DMRT1: variants seen among roughly 807,000 people sequenced by gnomAD.
DMRT1 encodes doublesex and mab-3 related transcription factor 1, also known as doublesex- and mab-3-related transcription factor 1.
In DMRT1, 7 loss-of-function variants were observed where a neutral mutation model predicts 32.3. The ratio of observed to expected loss-of-function variants is 0.22; its 90% CI spans 0.12 to 0.41. The LOEUF is 0.41. DMRT1 is among the 10% of genes least tolerant of loss of function. The pLI, the probability that DMRT1 is intolerant of heterozygous loss-of-function variation, is 1.00. For missense variants in DMRT1, 625 were observed against 500.5 expected (o/e 1.25, Z -2.37); for synonymous variants, 278 against 206.1 (o/e 1.35, Z -2.99).
intron 4 of DMRT1, among the ~76,000 whole-genome samples, chr9:918,379 G>A (rs1262660841): frequency 6.6e-6 from 1 of 152,176 alleles, no homozygotes; most frequent in Non-Finnish European, 1.5e-5. Context: ...TTGAGACAAA[G>A]GTGTAAATTC....
intron 4 of DMRT1, among the ~76,000 whole-genome samples, chr9:942,064 T>G (rs750357824): frequency 6.6e-6 from 1 of 152,186 alleles, no homozygotes; most frequent in Non-Finnish European, 1.5e-5. Flanking sequence ...CATCTTCCTT[T>G]ATTCTCTGGG....
chr9:886,540 G>T (rs990577183), intron 2 of DMRT1, among the ~76,000 whole-genome samples: 11 of 152,038 alleles, frequency 7.2e-5, no homozygotes. Flanking sequence ...ACACGCGTGA[G>T]CCACCGTGTA....
intron 3 of DMRT1, among the ~76,000 whole-genome samples, chr9:911,470 A>ATTTTTTTTTTTTTT (rs201141931): frequency 6.0e-5 from 4 of 66,950 alleles, no homozygotes; most frequent in African/African-American, 1.2e-4. Flanking sequence ...GGTTAATTGC[A>ATTTTTTTTTTTTTT]TTTTTTTTTT....
At chr9:905,197 G>A (rs1366450281) in intron 3 of DMRT1, among the ~76,000 whole-genome samples, 2 of 152,148 alleles carry the variant, frequency 1.3e-5, no homozygotes, top group African/African-American at 4.8e-5. Flanking sequence ...AGGATGGGTT[G>A]CCCTCAGCAC....
intron 3 of DMRT1, 104 bp downstream of exon 3, chr9:894,299 A>G (rs913252406): frequency 1.6e-6 from 2 of 1,245,840 alleles, no homozygotes; most frequent in African/African-American, 3.0e-5. Context: ...TTGTGCGCCC[A>G]GAGGCACACA....
At chr9:897,439 T>G (rs1431570347) in intron 3 of DMRT1, among the ~76,000 whole-genome samples, 1 of 151,972 alleles carries the variant, frequency 6.6e-6, no homozygotes, top group Non-Finnish European at 1.5e-5. Flanking sequence ...TTAAAGCACA[T>G]TGATATTGGA....
intron 2 of DMRT1, among the ~76,000 whole-genome samples, chr9:871,441 T>A (rs1816248027): frequency 6.7e-6 from 1 of 150,220 alleles, no homozygotes; most frequent in Non-Finnish European, 1.5e-5. Flanking sequence ...CACGCCATTC[T>A]CCTGCCTCAG....
Position 870,576 on chromosome 9 carries a change from A to T in DMRT1, c.539-23336A>T, listed in dbSNP as rs574164680. Among the ~76,000 whole-genome samples the T allele has an allele frequency of 2.6e-5, 4 of 152,116 alleles. No individual in the cohort carries two copies. The South Asian group carries it at 8.3e-4, about 32-fold the overall frequency. On this transcript the variant is annotated intron_variant, in intron 2 of 4. Coordinates refer to ENST00000382276, the MANE Select transcript of DMRT1 (RefSeq NM_021951.3). The stretch of plus-strand genomic sequence containing the variant: ...CATTGTAGTCTCTTCTCAGAAGGTT[A>T]AGCTTTCTGATACTTTTTTAGTCTG...
intron 4 of DMRT1, among the ~76,000 whole-genome samples, chr9:947,634 A>AT (rs1819288983): frequency 6.6e-6 from 1 of 151,842 alleles, no homozygotes; most frequent in Admixed American, 6.6e-5. Context: ...TTTTTATTTT[A>AT]TTTTTTTGAG....
intron 4 of DMRT1, among the ~76,000 whole-genome samples, chr9:958,853 G>GT (rs1819679023): frequency 6.6e-6 from 1 of 152,200 alleles, no homozygotes. Context: ...AGAAGGCAGT[G>GT]TTGACATTAT....
intron 4 of DMRT1, among the ~76,000 whole-genome samples, chr9:930,101 AC>A (rs1307097499): frequency 6.6e-6 from 1 of 152,230 alleles, no homozygotes; most frequent in Non-Finnish European, 1.5e-5. Flanking sequence ...AATTAGAGAA[AC>A]CAGGATTACA....
At chr9:961,590 GGC>G (rs1201642351) in intron 4 of DMRT1, among the ~76,000 whole-genome samples, 1 of 152,182 alleles carries the variant, frequency 6.6e-6, no homozygotes, top group Non-Finnish European at 1.5e-5. Flanking sequence ...GATTGAAAAA[GGC>G]AGAACTGATG....
Position 893,946 on chromosome 9 carries a change from C to T in DMRT1, c.573C>T (p.Val191=). Residue 191 remains valine, a synonymous_variant, in exon 3 of 5, where the codon GTC becomes GTT. Transcript: ENST00000382276. ...TGGTCATCCAGGATATTCCTGCTGTCACCAGCAGAGGGCATGTGGAGAACA... is the reference window on the plus strand; with the variant it reads ...TGGTCATCCAGGATATTCCTGCTGTTACCAGCAGAGGGCATGTGGAGAACA... ...GRMVIQDIPA[V]TSRGHVENTP... The T allele has an allele frequency of 1.2e-6, 2 of 1,614,032 alleles. No homozygotes were observed. The highest frequency in any genetic ancestry group is 2.2e-5 in the South Asian group (2 of 91,076).
rs569711951 is a variant in DMRT1, at chr9:908,546, TC to T, written c.823-8215del. Among the ~76,000 whole-genome samples the T allele has an allele frequency of 5.1e-3, 777 of 152,294 alleles. 4 individuals are homozygous for T. Among genetic ancestry groups the T allele is most frequent in the African/African-American group, 0.017 (723 of 41,552 alleles). On this transcript the variant is annotated intron_variant, in intron 3 of 4. Transcript: ENST00000382276. The stretch of plus-strand genomic sequence containing the variant: ...AAATTGCGGGAGGGCTTGCTTTATA[TC>T]CTTGTGTTCAATTTTGGTTCTGTTT...
At chr9:952,067 G>C (rs1385919931) in intron 4 of DMRT1, among the ~76,000 whole-genome samples, 3 of 152,138 alleles carry the variant, frequency 2.0e-5, no homozygotes, top group Non-Finnish European at 4.4e-5. Flanking sequence ...GCTGTTAAAT[G>C]ATTGCCCAGG....
chr9:960,345 C>A (rs1222901286), intron 4 of DMRT1, among the ~76,000 whole-genome samples: 1 of 152,204 alleles, frequency 6.6e-6, no homozygotes, highest in Non-Finnish European at 1.5e-5. Flanking sequence ...TGTGTTGTCA[C>A]TTTTTTTCCT....
intron 4 of DMRT1, among the ~76,000 whole-genome samples, chr9:966,024 GA>G (rs1291873226): frequency 1.3e-5 from 2 of 152,134 alleles, no homozygotes; most frequent in Admixed American, 6.5e-5. Flanking sequence ...TGGGGGTGGG[GA>G]CATTAACGCA....
At chr9:848,107 T>C (rs72697190) in intron 2 of DMRT1, among the ~76,000 whole-genome samples, 2,084 of 152,362 alleles carry the variant, frequency 0.014, 51 homozygotes, top group African/African-American at 0.045. Flanking sequence ...TTTAAAGTGT[T>C]CTAAGCTCCA....
chr9:905,690 G>C (rs544690859), intron 3 of DMRT1, among the ~76,000 whole-genome samples: 1 of 152,266 alleles, frequency 6.6e-6, no homozygotes, highest in East Asian at 1.9e-4. Context: ...GAAGAGGAGG[G>C]TGCAAGCAGA....
Sources: gnomAD v4.1 joint callset for allele counts (sites outside exome capture counted in the v4.1 genomes callset) on GRCh38, gnomAD v4.1.1 for gene constraint, MANE v1.5 for transcripts, NCBI Gene and HGNC (gene_info 2026-07-23, HGNC 2026-07-21) for gene names.